Variants in CWC27 observed in about 807,000 individuals in gnomAD.
CWC27 encodes spliceosome-associated protein CWC27 homolog.
CWC27 carries 47 observed loss-of-function variants against 63.6 expected under a neutral mutation model. The ratio of observed to expected loss-of-function variants is 0.74; its 90% CI spans 0.58 to 0.94. CWC27 has a LOEUF of 0.94. CWC27 is among the 40% of genes least tolerant of loss of function. The pLI, the probability that CWC27 is intolerant of heterozygous loss-of-function variation, is 0.00. For missense variants in CWC27, 495 were observed against 554.3 expected, an observed-to-expected ratio of 0.89 and a Z score of 1.07; for synonymous variants, 175 against 179.8, an observed-to-expected ratio of 0.97 and a Z score of 0.22.
chr5:64,887,036 G>A (rs998080219), intron 11 of CWC27, among the ~76,000 whole-genome samples: 1 of 151,918 alleles, frequency 6.6e-6, no homozygotes, highest in Non-Finnish European at 1.5e-5. Context: ...CTTTCAACTA[G>A]AAAGAATAAA....
intron 10 of CWC27, among the ~76,000 whole-genome samples, chr5:64,818,438 G>A (rs185421015): frequency 2.0e-5 from 3 of 152,116 alleles, no homozygotes; most frequent in East Asian, 1.9e-4. Flanking sequence ...TAGAATTTCC[G>A]GATATGCTTT....
intron 11 of CWC27, among the ~76,000 whole-genome samples, chr5:64,938,968 T>C (rs762352587): frequency 6.6e-6 from 1 of 152,200 alleles, no homozygotes; most frequent in African/African-American, 2.4e-5. Context: ...GGTCATTTAA[T>C]GTCTTCTCTA....
chr5:65,001,503 AT>A (rs1749731674), intron 13 of CWC27, among the ~76,000 whole-genome samples: 1 of 152,022 alleles, frequency 6.6e-6, no homozygotes, highest in Admixed American at 6.6e-5. Context: ...TCCGTGCCTA[AT>A]TTTTTGAGAG....
At chr5:64,921,934 A>G (rs909731964) in intron 11 of CWC27, among the ~76,000 whole-genome samples, 4 of 152,232 alleles carry the variant, frequency 2.6e-5, no homozygotes, top group Non-Finnish European at 5.9e-5. Flanking sequence ...TTGGCAGAAT[A>G]TGAAATTCTT....
At chr5:64,925,060 A>G (rs1748080810) in intron 11 of CWC27, among the ~76,000 whole-genome samples, 1 of 152,334 alleles carries the variant, frequency 6.6e-6, no homozygotes, top group South Asian at 2.1e-4. Context: ...AGTTAAAGCA[A>G]TAAATCTGTT....
intron 10 of CWC27, among the ~76,000 whole-genome samples, chr5:64,834,195 A>G (rs1236053021): frequency 6.6e-6 from 1 of 151,366 alleles, no homozygotes; most frequent in Non-Finnish European, 1.5e-5. Context: ...TTATTGAATC[A>G]TATCTGTTTG....
At chr5:64,943,143 C>G (rs1748520667) in intron 11 of CWC27, among the ~76,000 whole-genome samples, 1 of 151,882 alleles carries the variant, frequency 6.6e-6, no homozygotes, top group Non-Finnish European at 1.5e-5. Flanking sequence ...TATGATTATA[C>G]TCCTAGGTGA....
chr5:64,902,827 T>G (rs529482048), intron 11 of CWC27, among the ~76,000 whole-genome samples: 1 of 152,354 alleles, frequency 6.6e-6, no homozygotes, highest in South Asian at 2.1e-4. Context: ...ATCTTACTAC[T>G]ATTGGGTAGT....
chr5:64,961,887 G>A (rs1194247368), intron 11 of CWC27, among the ~76,000 whole-genome samples: 1 of 152,112 alleles, frequency 6.6e-6, no homozygotes, highest in Non-Finnish European at 1.5e-5. Flanking sequence ...GTTCTTAGTA[G>A]ATATTCTTTT....
At chr5:64,958,142 A>G (rs1483629039) in intron 11 of CWC27, among the ~76,000 whole-genome samples, 1 of 152,100 alleles carries the variant, frequency 6.6e-6, no homozygotes, top group Non-Finnish European at 1.5e-5. Context: ...AAAAGTAAAA[A>G]TTTTAAAAAT....
chr5:64,990,261 T>G (rs1268330041), intron 13 of CWC27, among the ~76,000 whole-genome samples: 562 of 40,192 alleles, frequency 0.014, 128 homozygotes, highest in African/African-American at 0.065. Context: ...GTTTTTTTTT[T>G]TTTTGTTTTT....
chr5:64,928,581 GAC>G lies in CWC27; in HGVS notation c.1042+43054_1042+43055del, dbSNP rs147833157. Among the ~76,000 whole-genome samples, 420 of 149,200 alleles carry G rather than the reference GAC, an allele frequency of 2.8e-3. 1 individual carries two copies. Among genetic ancestry groups the G allele is most frequent in the African/African-American group, 9.2e-3 (376 of 40,928 alleles). On this transcript the variant is annotated intron_variant, in intron 11 of 13. Coordinates refer to ENST00000381070, the MANE Select transcript of CWC27 (RefSeq NM_005869.4). Reference sequence around the variant, plus strand: ...AAAAGCCAAGTGCACAACAAAGTGTGACACACACACACACACACACGTTTGCA... The same window carrying G: ...AAAAGCCAAGTGCACAACAAAGTGTGACACACACACACACACACGTTTGCA...
chr5:64,846,286 C>T (rs1202192306), intron 10 of CWC27, among the ~76,000 whole-genome samples: 1 of 152,028 alleles, frequency 6.6e-6, no homozygotes, highest in Non-Finnish European at 1.5e-5. Flanking sequence ...CAATTTCATC[C>T]CTAGTACATG....
At chr5:64,842,816 G>A (rs1745879806) in intron 10 of CWC27, among the ~76,000 whole-genome samples, 1 of 151,320 alleles carries the variant, frequency 6.6e-6, no homozygotes, top group Non-Finnish European at 1.5e-5. Context: ...TGCCCAAGCT[G>A]GTCTCAAACT....
In CWC27 at chr5:64,849,704, G is replaced by T. The variant is rs1013478104; in HGVS notation, c.939-35739G>T. ...CCCCATGTCAAGGGAGGGACCTGGTGGGGGGGTGATAGGATCATGGGGGAG... is the reference window on the plus strand; with the variant it reads ...CCCCATGTCAAGGGAGGGACCTGGTTGGGGGGTGATAGGATCATGGGGGAG... On this transcript the variant is annotated intron_variant, in intron 10 of 13. Transcript: ENST00000381070. 2.2e-4 allele frequency among the ~76,000 whole-genome samples: 14 copies of T among 64,152 alleles called. No homozygotes were observed. In the South Asian group the frequency reaches 6.5e-3, roughly 30 times the overall value. 42.1% of individuals were successfully genotyped at this position (64,152 alleles called of 152,430 possible). A position where few individuals can be genotyped will look rare whatever the true frequency, so the allele number is the denominator to read the frequency against.
At chr5:64,801,907 G>T (rs1193173551) in intron 9 of CWC27, among the ~76,000 whole-genome samples, 2 of 152,106 alleles carry the variant, frequency 1.3e-5, no homozygotes, top group African/African-American at 4.8e-5. Flanking sequence ...TCTGTGCATT[G>T]TATAATTTAC....
At chr5:64,932,068 G>T (rs1399747338) in intron 11 of CWC27, among the ~76,000 whole-genome samples, 1 of 152,048 alleles carries the variant, frequency 6.6e-6, no homozygotes, top group Non-Finnish European at 1.5e-5. Flanking sequence ...GATACATAAT[G>T]TTTACTAACT....
chr5:64,929,823 C>T (rs1748201914), intron 11 of CWC27, among the ~76,000 whole-genome samples: 1 of 151,412 alleles, frequency 6.6e-6, no homozygotes, highest in African/African-American at 2.4e-5. Flanking sequence ...TCCTCAAAAA[C>T]TTCAACATAA....
intron 8 of CWC27, among the ~76,000 whole-genome samples, chr5:64,800,724 G>C: frequency 6.6e-6 from 1 of 152,156 alleles, no homozygotes; most frequent in East Asian, 1.9e-4. Context: ...TTACCAGTTT[G>C]GGGGCCAGTC....
Sources: gnomAD v4.1 joint callset for allele counts (sites outside exome capture counted in the v4.1 genomes callset) on GRCh38, gnomAD v4.1.1 for gene constraint, MANE v1.5 for transcripts, NCBI Gene and HGNC (gene_info 2026-07-23, HGNC 2026-07-21) for gene names.